MIB1: variants seen among roughly 807,000 people sequenced by gnomAD.
The protein encoded by MIB1 is E3 ubiquitin-protein ligase MIB1.
Under a neutral mutation model 124.5 loss-of-function variants are expected in MIB1, and 278 were observed. The ratio of observed to expected loss-of-function variants is 2.23; its 90% CI spans 2.02 to 2.47. The LOEUF is 2.47. Ranked by LOEUF, MIB1 falls within the 30% of genes most tolerant of loss-of-function variation. MIB1 has a pLI of 0.00. For synonymous variants in MIB1, 446 were observed against 429.4 expected (o/e 1.04, Z -0.48); for missense variants, 957 against 1,254.4 (o/e 0.76, Z 3.58).
intron 1 of MIB1, among the ~76,000 whole-genome samples, chr18:21,749,300 C>T (rs1261475051): frequency 6.6e-6 from 1 of 152,106 alleles, no homozygotes; most frequent in East Asian, 1.9e-4. Context: ...GGACATCTTG[C>T]AGTGTTAGCA....
At chr18:21,789,265 T>C (rs1365427361) in intron 6 of MIB1, among the ~76,000 whole-genome samples, 2 of 151,980 alleles carry the variant, frequency 1.3e-5, no homozygotes, top group Non-Finnish European at 2.9e-5. Flanking sequence ...TGCCACTGTC[T>C]TCACATGACC....
Position 21,741,418 on chromosome 18 carries a change from C to A in MIB1, c.-166C>A, listed in dbSNP as rs1329896856. 1.7e-5 allele frequency: 5 copies of A among 297,214 alleles called. No individual in the cohort carries two copies. The highest frequency in any genetic ancestry group is 2.3e-5 in the Non-Finnish European group (4 of 172,588). 18.4% of individuals were successfully genotyped at this position (297,214 alleles called of 1,614,324 possible). On this transcript the variant is annotated 5_prime_UTR_variant, in exon 1 of 21. Transcript: ENST00000261537. This position sits in a 1 kb window ranked among gnomAD's most constrained non-coding sequence, Gnocchi z 5.4. ...AGCTGGGCAGCGGCTTTGGGCTCCG[C>A]GGGGACCGCGCCGCCGCCCCCGTGA...
At chr18:21,835,893 A>G (rs1276158559) in intron 12 of MIB1, among the ~76,000 whole-genome samples, 3 of 149,446 alleles carry the variant, frequency 2.0e-5, no homozygotes, top group Non-Finnish European at 4.4e-5. Context: ...TATTTGTACT[A>G]TGTTTGAGTA....
chr18:21,741,847 G>A lies in MIB1; in HGVS notation c.229+35G>A, dbSNP rs1460617744. 1.1e-5 allele frequency: 16 copies of A among 1,522,664 alleles called. No individual in the cohort carries two copies. In the Admixed American group the frequency reaches 1.4e-4, roughly 13 times the overall value. 94.3% of individuals were successfully genotyped at this position (1,522,664 alleles called of 1,614,324 possible). A position where few individuals can be genotyped will look rare whatever the true frequency, so the allele number is the denominator to read the frequency against. On this transcript the variant is annotated intron_variant, in intron 1 of 20. Coordinates refer to ENST00000261537, the MANE Select transcript of MIB1 (RefSeq NM_020774.4). This position sits in a 1 kb window ranked among gnomAD's most constrained non-coding sequence, Gnocchi z 5.4. ...GGCCACCTGGCCAGGGCTTGCGCGC[G>A]CGGGGGGAAGGGGCGAGCTGCGGTG... is the stretch of plus-strand genomic sequence containing the variant.
At chr18:21,736,547 G>A (rs915836468), upstream of MIB1, among the ~76,000 whole-genome samples, 4 of 152,150 alleles carry the variant, frequency 2.6e-5, no homozygotes, top group African/African-American at 9.7e-5. Context: ...GCTTCAGAAG[G>A]TCAGTAATAA....
intron 1 of MIB1, among the ~76,000 whole-genome samples, chr18:21,761,193 T>A (rs553836870): frequency 2.0e-4 from 31 of 151,716 alleles, no homozygotes; most frequent in African/African-American, 7.2e-4. Context: ...TTTACAAAAT[T>A]AGTTGCAAAA....
At chr18:21,852,682 G>A (rs1270550507) in intron 17 of MIB1, among the ~76,000 whole-genome samples, 2 of 152,212 alleles carry the variant, frequency 1.3e-5, no homozygotes, top group African/African-American at 4.8e-5. Flanking sequence ...TTTCTTAAAT[G>A]TGGGTAAACA....
rs781657391 is a variant in MIB1 at position 21,815,608 on chromosome 18, ATGAT to A, written c.1480-6_1480-3del. ...TTCACTAATTCACATTTCAATACTA[ATGAT>A]TAGGATAAAGATGGTGATAGAGCAG... is the stretch of plus-strand genomic sequence containing the variant. On this transcript the variant is annotated splice_polypyrimidine_tract_variant and splice_region_variant and intron_variant, in intron 10 of 20. Transcript: ENST00000261537. 7.4e-6 allele frequency: 12 copies of A among 1,611,300 alleles called. No individual in the cohort carries two copies. The highest frequency in any genetic ancestry group is 3.3e-4 in the Middle Eastern group (2 of 6,050).
intron 16 of MIB1, 59 bp from the exon 17 acceptor site, chr18:21,849,137 A>G (rs1966044283): frequency 1.7e-6 from 2 of 1,145,128 alleles, no homozygotes; most frequent in South Asian, 1.8e-5. Context: ...ATTTTAAAAC[A>G]TTTTAATTAG....
At chr18:21,726,209 A>G (rs1598581157) in intron 1 of MIB1, among the ~76,000 whole-genome samples, 1 of 152,102 alleles carries the variant, frequency 6.6e-6, no homozygotes, top group South Asian at 2.1e-4. Flanking sequence ...GCACCATTGC[A>G]CTCCAGCCTG....
intron 7 of MIB1, among the ~76,000 whole-genome samples, chr18:21,792,724 A>G (rs963360016): frequency 3.5e-4 from 54 of 152,340 alleles, no homozygotes; most frequent in African/African-American, 1.3e-3. Flanking sequence ...ATGTTATAGC[A>G]TCCTTATTTT....
chr18:21,743,633 CTT>C (rs993238536), intron 1 of MIB1, among the ~76,000 whole-genome samples: 3 of 147,040 alleles, frequency 2.0e-5, no homozygotes, highest in Admixed American at 6.8e-5. Context: ...TCTGCCTACT[CTT>C]TTTTTTTTTG....
intron 12 of MIB1, among the ~76,000 whole-genome samples, chr18:21,833,481 C>T (rs1030020643): frequency 9.9e-5 from 15 of 152,188 alleles, no homozygotes; most frequent in South Asian, 2.1e-4. Flanking sequence ...TCTACATTAC[C>T]GATTTGAGGG....
intron 10 of MIB1, among the ~76,000 whole-genome samples, chr18:21,806,363 G>T (rs1340097951): frequency 6.6e-6 from 1 of 151,816 alleles, no homozygotes; most frequent in Non-Finnish European, 1.5e-5. Context: ...ATCATGCTTG[G>T]CTAATTTTTA....
chr18:21,778,802 T>A (rs568893117), intron 5 of MIB1, among the ~76,000 whole-genome samples: 30 of 152,138 alleles, frequency 2.0e-4, no homozygotes, highest in East Asian at 1.5e-3. Context: ...AATTTTTTTT[T>A]AAAAAAGGAG....
chr18:21,716,633 C>T (rs867769335), intron 1 of MIB1, among the ~76,000 whole-genome samples: 2 of 152,146 alleles, frequency 1.3e-5, no homozygotes, highest in Non-Finnish European at 2.9e-5. Context: ...GGGCGGATCA[C>T]GAGGTCAGGA....
intron 14 of MIB1, 22 bp from the exon 15 acceptor site, chr18:21,844,070 A>G: frequency 1.2e-6 from 2 of 1,611,992 alleles, no homozygotes; most frequent in South Asian, 1.1e-5. Context: ...CTTTGCCAAA[A>G]TGAGACATCT....
intron 1 of MIB1, among the ~76,000 whole-genome samples, chr18:21,745,710 A>ACACACACACACACACACAC (rs1568183975): frequency 6.8e-6 from 1 of 146,036 alleles, no homozygotes; most frequent in African/African-American, 2.6e-5. Flanking sequence ...ACACACACAC[A>ACACACACACACACACACAC]AAATTTTATT....
chr18:21,724,726 AAATATATATATATATATATAT>A (rs1318520341), intron 1 of MIB1, among the ~76,000 whole-genome samples: 5 of 52,846 alleles, frequency 9.5e-5, no homozygotes, highest in Admixed American at 2.6e-4. Flanking sequence ...AAAAAAAAAA[AAATATATATATATATATATAT>A]ATATATATAT....
Sources: allele counts gnomAD v4.1 joint callset (sites outside exome capture counted in the v4.1 genomes callset), GRCh38; gene constraint gnomAD v4.1.1; non-coding constraint Gnocchi (gnomAD v3.1); transcripts MANE v1.5; gene names NCBI Gene and HGNC (gene_info 2026-07-23, HGNC 2026-07-21).